Variants in ARFGAP2 observed in about 807,000 individuals in gnomAD.
ARFGAP2 encodes ARF GTPase activating protein 2.
Under a neutral mutation model 71.9 loss-of-function variants are expected in ARFGAP2, and 45 were observed. That is an observed-to-expected ratio of 0.63 (90% CI 0.49 to 0.80). The LOEUF (loss-of-function observed/expected upper bound fraction) is 0.80, where lower values mean the gene tolerates loss of function less well. ARFGAP2 is among the 30% of genes least tolerant of loss of function. The pLI is 0.00. For missense variants in ARFGAP2, 633 were observed against 673.9 expected (o/e 0.94, Z 0.67); for synonymous variants, 248 against 249.2 (o/e 1.00, Z 0.05).
chr11:47,176,684 C>A, intron 1 of ARFGAP2, 50 bp from the exon 2 acceptor site: 1 of 1,611,466 alleles, frequency 6.2e-7, no homozygotes, highest in Non-Finnish European at 8.5e-7. Flanking sequence ...GAGTAAAGGC[C>A]AGGCACCGAC....
In ARFGAP2 at chr11:47,176,374, G is replaced by T; in HGVS notation, c.191+142C>A. On this transcript the variant is annotated intron_variant, in intron 2 of 15. Transcript: ENST00000524782. ...AGGGCCCACACAGGTGGTTCCCTCT[G>T]GCAGGAGGCTACCGGACCCTCTCGG... is the stretch of plus-strand genomic sequence containing the variant. 6.2e-6 allele frequency: 5 copies of T among 806,738 alleles called. No homozygotes were observed. The Middle Eastern group carries it at 1.1e-3, about 181-fold the overall frequency. 50.0% of individuals were successfully genotyped at this position (806,738 alleles called of 1,614,324 possible).
chr11:47,165,621 G>A (rs1952327170), intron 15 of ARFGAP2, 119 bp from the exon 16 acceptor site: 3 of 1,150,570 alleles, frequency 2.6e-6, no homozygotes, highest in Middle Eastern at 3.0e-4. Context: ...GGCAGGGGCT[G>A]GACAGCCCGG....
At chr11:47,176,343 T>C (rs1259274569) in intron 2 of ARFGAP2, 173 bp downstream of exon 2, 7 of 657,352 alleles carry the variant, frequency 1.1e-5, no homozygotes, top group Non-Finnish European at 1.8e-5. Flanking sequence ...ACCGCCCATG[T>C]GCCAAAGGGC....
chr11:47,165,534 A>G (rs763283438), intron 15 of ARFGAP2, 32 bp from the exon 16 acceptor site: 3 of 1,541,534 alleles, frequency 1.9e-6, no homozygotes, highest in Non-Finnish European at 2.6e-6. Flanking sequence ...AAAAAAAAAA[A>G]AGTCAGAGGC....
Position 47,166,814 on chromosome 11 carries a change from T to C in ARFGAP2, c.1278A>G (p.Ala426=), listed in dbSNP as rs1410222620. ...LESSEARQKF[A]GAKAISSDMF... ...TGTCAGATGAGATGGCTTTGGCTCCTGCGAATTTCTGACGCGCCTCACTAG... is the reference window on the plus strand; with the variant it reads ...TGTCAGATGAGATGGCTTTGGCTCCCGCGAATTTCTGACGCGCCTCACTAG... The change falls in exon 13 of 16, where the codon GCA becomes GCG. Residue 426 remains alanine (A), a synonymous_variant. Transcript: ENST00000524782. 1.9e-6 allele frequency: 3 copies of C among 1,614,014 alleles called. No individual in the cohort carries two copies. Among genetic ancestry groups the C allele is most frequent in the Non-Finnish European group, 2.5e-6 (3 of 1,180,058 alleles).
At chr11:47,176,488 AAAC>A in intron 2 of ARFGAP2, 25 bp downstream of exon 2, 1 of 1,605,120 alleles carries the variant, frequency 6.2e-7, no homozygotes, top group Non-Finnish European at 8.5e-7. Flanking sequence ...GGCCGGGTGG[AAAC>A]ACGGCAACCG....
chr11:47,172,747 G>A (rs779759039), intron 7 of ARFGAP2: 63 of 1,293,334 alleles, frequency 4.9e-5, no homozygotes, highest in South Asian at 1.4e-4. Context: ...ACAGATACAC[G>A]GACTCTGGAG....
chr11:47,173,705 C>T (rs563957450), intron 6 of ARFGAP2, 54 bp downstream of exon 6: 1 of 1,541,898 alleles, frequency 6.5e-7, no homozygotes, highest in East Asian at 2.4e-5. Flanking sequence ...CCTTCCAAAC[C>T]CTGAGTCCTC....
chr11:47,175,387 A>G, intron 3 of ARFGAP2, 74 bp from the exon 4 acceptor site: 3 of 1,603,776 alleles, frequency 1.9e-6, no homozygotes, highest in Non-Finnish European at 2.6e-6. Context: ...TGTAGGAGAC[A>G]TCTCCTTATG....
intron 12 of ARFGAP2, 34 bp from the exon 13 acceptor site, chr11:47,166,920 C>G (rs771936076): frequency 1.2e-6 from 2 of 1,601,836 alleles, no homozygotes; most frequent in Non-Finnish European, 1.7e-6. Flanking sequence ...TCGGACTCCT[C>G]CCATTATCAT....
chr11:47,171,562 G>A lies in ARFGAP2; in HGVS notation c.810-5C>T, dbSNP rs1368390955. The A allele has an allele frequency of 6.2e-7, 1 of 1,614,050 alleles. No individual in the cohort carries two copies. Among genetic ancestry groups the A allele is most frequent in the Non-Finnish European group, 8.5e-7 (1 of 1,180,032 alleles). On this transcript the variant is annotated splice_region_variant and splice_polypyrimidine_tract_variant and intron_variant, in intron 9 of 15. Coordinates refer to ENST00000524782, the MANE Select transcript of ARFGAP2 (RefSeq NM_032389.6). ...GCCAGACGCATGGAGGCGACCCTTAGGGGGAACAAAGGTGTCAGTGGCCAC... is the reference window on the plus strand; with the variant it reads ...GCCAGACGCATGGAGGCGACCCTTAAGGGGAACAAAGGTGTCAGTGGCCAC...
In ARFGAP2 at chr11:47,166,402, A is replaced by T. The variant is rs1590944030; in HGVS notation, c.1427-16T>A. On this transcript the variant is annotated splice_polypyrimidine_tract_variant and intron_variant, in intron 14 of 15. Transcript: ENST00000524782. Reference sequence around the variant, plus strand: ...GATACACTTCCTGTAAAACAAGAGCAGGGTGACCCAGAGCCCAGCAAGAAG... The same window carrying T: ...GATACACTTCCTGTAAAACAAGAGCTGGGTGACCCAGAGCCCAGCAAGAAG... 3 of 1,613,448 alleles carry T rather than the reference A, an allele frequency of 1.9e-6. No individual in the cohort carries two copies. The highest frequency in any genetic ancestry group is 2.5e-6 in the Non-Finnish European group (3 of 1,179,452).
chr11:47,171,503 C>A lies in ARFGAP2; in HGVS notation c.864G>T (p.Glu288Asp). 3 of 1,614,182 alleles carry A rather than the reference C, an allele frequency of 1.9e-6. No individual in the cohort carries two copies. The highest frequency in any genetic ancestry group is 2.2e-5 in the East Asian group (1 of 44,880). The change falls in exon 10 of 16, where the codon GAG becomes GAT. Residue 288 changes from glutamate to aspartate, a missense_variant. Physicochemically the swap from Glu to Asp is conservative, Grantham distance 45. Transcript: ENST00000524782. The stretch of plus-strand genomic sequence containing the variant: ...CTTCCAGATTCTGTAGCTTCTTTTC[C>A]TCTTTCTTACGATCAATCTGGAGCT... ...YQELQIDRKK[E>D]EKKLQNLEGK...
intron 10 of ARFGAP2, among the ~76,000 whole-genome samples, chr11:47,170,536 GC>G (rs1242252997): frequency 6.6e-6 from 1 of 151,596 alleles, no homozygotes; most frequent in Non-Finnish European, 1.5e-5. Context: ...AATCCCAGCT[GC>G]TTGGGAGGCT....
chr11:47,166,210 T>A, intron 15 of ARFGAP2, 58 bp downstream of exon 15: 2 of 1,548,178 alleles, frequency 1.3e-6, no homozygotes, highest in East Asian at 4.5e-5. Flanking sequence ...AGTGTCTCTA[T>A]GTGGTGGCGA....
chr11:47,176,870 A>C lies in ARFGAP2; in HGVS notation c.-17T>G. On this transcript the variant is annotated 5_prime_UTR_variant, in exon 1 of 16. Coordinates refer to ENST00000524782, the MANE Select transcript of ARFGAP2 (RefSeq NM_032389.6). ...CGCCGCCATTTTCTCTCCTTCCCAG[A>C]CACAACCGCGGCTGACGGGTCCCGC... The C allele has an allele frequency of 6.2e-7, 1 of 1,611,082 alleles. No homozygotes were observed. The highest frequency in any genetic ancestry group is 1.1e-5 in the South Asian group (1 of 90,980).
intron 7 of ARFGAP2, 79 bp downstream of exon 7, chr11:47,173,347 A>T: frequency 6.7e-7 from 1 of 1,495,016 alleles, no homozygotes; most frequent in Non-Finnish European, 9.1e-7. Context: ...CCACACGGCC[A>T]GGCAGTAGGA....
Position 47,175,222 on chromosome 11 carries a change from C to A in ARFGAP2, c.356G>T (p.Arg119Leu). 1 of 1,614,154 alleles carries A rather than the reference C, an allele frequency of 6.2e-7. No individual in the cohort carries two copies. The highest frequency in any genetic ancestry group is 1.1e-5 in the South Asian group (1 of 91,062). The change falls in exon 4 of 16, where the codon CGG (arginine) becomes CTG (leucine). Residue 119 changes from arginine (R) to leucine (L), a missense_variant. Coordinates refer to ENST00000524782, the MANE Select transcript of ARFGAP2 (RefSeq NM_032389.6). Reference sequence around the variant, plus strand: ...AGCCAGGGCCGCACTCCCCAGCTGCCGGATCTTCTCCCGGTACATCTGGGC... The same window carrying A: ...AGCCAGGGCCGCACTCCCCAGCTGCAGGATCTTCTCCCGGTACATCTGGGC... Reference protein sequence around the residue: ...RAAQMYREKIRQLGSAALARH... With the variant: ...RAAQMYREKILQLGSAALARH...
rs1952459936 is a variant in ARFGAP2 at position 47,168,124 on chromosome 11, T to C, written c.1069A>G (p.Lys357Glu). The C allele has an allele frequency of 1.2e-6, 2 of 1,614,060 alleles. No homozygotes were observed. The highest frequency in any genetic ancestry group is 1.7e-6 in the Non-Finnish European group (2 of 1,180,020). Reference sequence around the variant, plus strand: ...TTTACAGCTAGAAAACAGCCTTACTTTGGGGGTCCAGAGGCGAAAGTACCA... The same window carrying C: ...TTTACAGCTAGAAAACAGCCTTACTCTGGGGGTCCAGAGGCGAAAGTACCA... ...DVGTFASGPP[K>E]YKDNPFSLGE... The change falls in exon 11 of 16, where the codon AAG becomes GAG. Residue 357 changes from lysine to glutamate, a missense_variant and splice_region_variant. Lys to Glu is a moderately conservative substitution (Grantham distance 56). Coordinates refer to ENST00000524782, the MANE Select transcript of ARFGAP2 (RefSeq NM_032389.6).
Sources: allele counts gnomAD v4.1 joint callset (sites outside exome capture counted in the v4.1 genomes callset), GRCh38; gene constraint gnomAD v4.1.1; transcripts MANE v1.5; gene names NCBI Gene and HGNC (gene_info 2026-07-23, HGNC 2026-07-21).